Variants in UBA3 observed in about 807,000 individuals in gnomAD.
UBA3 encodes ubiquitin like modifier activating enzyme 3.
A neutral mutation model predicts 73.5 loss-of-function variants in UBA3; 26 were observed. That is an observed-to-expected ratio of 0.35 (90% confidence interval 0.26 to 0.49). The LOEUF (loss-of-function observed/expected upper bound fraction) is 0.49. Ranked by LOEUF, UBA3 falls within the 20% of genes least tolerant of loss-of-function variation. The probability of loss-of-function intolerance (pLI) is 0.98; values close to 1 mark genes in which losing one functional copy is unlikely to be tolerated. For synonymous variants in UBA3, 217 were observed against 191.2 expected (o/e 1.13, Z -1.11); for missense variants, 495 against 555.6 (o/e 0.89, Z 1.10).
intron 4 of UBA3, 79 bp from the exon 5 acceptor site, chr3:69,071,696 T>C: frequency 1.2e-6 from 1 of 843,720 alleles, no homozygotes; most frequent in Non-Finnish European, 1.8e-6. Context: ...AATGTAGTCT[T>C]AAGTCTACAA....
Position 69,075,454 on chromosome 3 carries a change from T to G in UBA3, c.240A>C (p.Leu80Phe). The G allele has an allele frequency of 6.4e-7, 1 of 1,563,896 alleles. No homozygotes were observed. The highest frequency in any genetic ancestry group is 8.6e-7 in the Non-Finnish European group (1 of 1,157,604). ...CCAGATTTTTCAGGAGCTCACATCCTAAGCCGCCAGCTCCAATGACTAGAA... is the reference window on the plus strand; with the variant it reads ...CCAGATTTTTCAGGAGCTCACATCCGAAGCCGCCAGCTCCAATGACTAGAA... ...CKVLVIGAGG[L>F]GCELLKNLAL... The change falls in exon 4 of 18, where the codon TTA (leucine) becomes TTC (phenylalanine). Residue 80 changes from leucine to phenylalanine, a missense_variant. Physicochemically the swap from Leu to Phe is conservative, Grantham distance 22. Coordinates refer to ENST00000361055, the MANE Select transcript of UBA3 (RefSeq NM_003968.4).
intron 3 of UBA3, among the ~76,000 whole-genome samples, chr3:69,077,159 G>A (rs1346212513): frequency 1.3e-5 from 2 of 149,882 alleles, no homozygotes; most frequent in Non-Finnish European, 3.0e-5. Flanking sequence ...CATTAAAGGA[G>A]AAAGTTATTC....
chr3:69,078,857 G>A (rs954725355), intron 2 of UBA3, among the ~76,000 whole-genome samples: 8 of 152,116 alleles, frequency 5.3e-5, no homozygotes, highest in Non-Finnish European at 7.4e-5. Context: ...TTACAATTAC[G>A]CCACAGATAG....
At chr3:69,070,491 T>C (rs1195129054) in intron 5 of UBA3, among the ~76,000 whole-genome samples, 1 of 151,830 alleles carries the variant, frequency 6.6e-6, no homozygotes, top group Admixed American at 6.6e-5. Context: ...ACTTCCTAAA[T>C]AGAGAGAGAA....
At chr3:69,073,796 C>T (rs370585023) in intron 4 of UBA3, among the ~76,000 whole-genome samples, 3 of 144,982 alleles carry the variant, frequency 2.1e-5, no homozygotes, top group African/African-American at 4.9e-5. Context: ...CCACCACGCC[C>T]GGCTAATTTT....
chr3:69,056,116 AT>A (rs2107478341), intron 15 of UBA3, 53 bp from the exon 16 acceptor site: 6 of 1,560,522 alleles, frequency 3.8e-6, no homozygotes, highest in South Asian at 2.4e-5. Flanking sequence ...TCAAAAGATA[AT>A]TTTTTTAAGG....
rs199761221 is a variant in UBA3, at chr3:69,071,515, G to A, written c.347+20C>T. On this transcript the variant is annotated intron_variant, in intron 5 of 17. Coordinates refer to ENST00000361055, the MANE Select transcript of UBA3 (RefSeq NM_003968.4). Reference sequence around the variant, plus strand: ...TATCAGAGCTTAAAAAAAGAAAACCGCTAAGATATTAAAACTTACCTAAAT... The same window carrying A: ...TATCAGAGCTTAAAAAAAGAAAACCACTAAGATATTAAAACTTACCTAAAT... 179 of 1,342,698 alleles carry A rather than the reference G, an allele frequency of 1.3e-4. 1 individual carries two copies. The East Asian group carries it at 4.1e-3, about 31-fold the overall frequency. 83.2% of individuals were successfully genotyped at this position (1,342,698 alleles called of 1,614,324 possible).
intron 11 of UBA3, among the ~76,000 whole-genome samples, chr3:69,061,388 T>C (rs2092019804): frequency 6.6e-6 from 1 of 152,178 alleles, no homozygotes; most frequent in Non-Finnish European, 1.5e-5. Context: ...AGAGACAGGG[T>C]GTTGCCATGT....
Position 69,055,159 on chromosome 3 carries a change from A to G in UBA3, c.*278T>C, listed in dbSNP as rs1180606831. ...TGACCATAATAACAAAATTCACACA[A>G]AAGAGGTTGTATGCTTCCTCCTCTA... On this transcript the variant is annotated 3_prime_UTR_variant, in exon 18 of 18. Transcript: ENST00000361055. The G allele has an allele frequency of 4.3e-6, 1 of 231,732 alleles. No homozygotes were observed. The highest frequency in any genetic ancestry group is 8.5e-5 in the East Asian group (1 of 11,828). 14.4% of individuals were successfully genotyped at this position (231,732 alleles called of 1,614,324 possible).
intron 6 of UBA3, among the ~76,000 whole-genome samples, chr3:69,066,696 T>C (rs1327927750): frequency 6.6e-6 from 1 of 152,142 alleles, no homozygotes; most frequent in African/African-American, 2.4e-5. Flanking sequence ...CCTCCCAAAG[T>C]GCTGGGATTA....
intron 6 of UBA3, among the ~76,000 whole-genome samples, chr3:69,067,409 T>C (rs997308752): frequency 3.3e-5 from 5 of 152,214 alleles, no homozygotes; most frequent in Non-Finnish European, 5.9e-5. Context: ...ACTTTCTACA[T>C]AGAAATCACA....
intron 5 of UBA3, among the ~76,000 whole-genome samples, chr3:69,069,468 G>A (rs1034685397): frequency 2.6e-5 from 4 of 151,926 alleles, no homozygotes; most frequent in East Asian, 1.9e-4. Context: ...CTGGGACTAC[G>A]GGCATGAGTC....
At position 69,056,770 on chromosome 3, in the gene UBA3, A is replaced by G. The variant is rs767882643; in HGVS notation, c.1001+9T>C. ...AATTTACATGCATATTAAAAATGAA[A>G]CCTATTACCTTGTGGCTATTTTAAA... On this transcript the variant is annotated intron_variant, in intron 13 of 17. Coordinates refer to ENST00000361055, the MANE Select transcript of UBA3 (RefSeq NM_003968.4). 1.3e-5 allele frequency: 21 copies of G among 1,612,498 alleles called. No individual in the cohort carries two copies. Among genetic ancestry groups the G allele is most frequent in the South Asian group, 1.2e-4 (11 of 90,876 alleles).
intron 14 of UBA3, 150 bp downstream of exon 14, chr3:69,056,462 G>T (rs1559639947): frequency 1.2e-6 from 1 of 855,046 alleles, no homozygotes; most frequent in Non-Finnish European, 1.8e-6. Flanking sequence ...CTTCGCTATA[G>T]AGTTATTTCA....
chr3:69,065,446 A>T (rs1485977149), intron 6 of UBA3, among the ~76,000 whole-genome samples: 1 of 152,226 alleles, frequency 6.6e-6, no homozygotes, highest in Non-Finnish European at 1.5e-5. Flanking sequence ...TCTGTCATTT[A>T]AACACACATA....
chr3:69,061,967 A>G lies in UBA3; in HGVS notation c.797-40T>C, dbSNP rs776570786. On this transcript the variant is annotated intron_variant, in intron 10 of 17. Transcript: ENST00000361055. ...AAAGGGAGAGAGAGAGAGAGAGAAGACAGGAATACGTAATCACAAAACAAT... is the reference window on the plus strand; with the variant it reads ...AAAGGGAGAGAGAGAGAGAGAGAAGGCAGGAATACGTAATCACAAAACAAT... 9 of 1,446,652 alleles carry G rather than the reference A, an allele frequency of 6.2e-6. No homozygotes were observed. The South Asian group carries it at 9.9e-5, about 16-fold the overall frequency. 89.6% of individuals were successfully genotyped at this position (1,446,652 alleles called of 1,614,324 possible). A position where few individuals can be genotyped will look rare whatever the true frequency, so the allele number is the denominator to read the frequency against.
chr3:69,062,120 C>T lies in UBA3; in HGVS notation c.753G>A (p.Glu251=). 6.2e-7 allele frequency: 1 copy of T among 1,613,794 alleles called. No homozygotes were observed. The highest frequency in any genetic ancestry group is 8.5e-7 in the Non-Finnish European group (1 of 1,179,802). Reference sequence around the variant, plus strand: ...TAGGCCACTGCAACATCCTTACATACTCAATACAGTGTTCTGGTAGCCTGG... The same window carrying T: ...TAGGCCACTGCAACATCCTTACATATTCAATACAGTGTTCTGGTAGCCTGG... ...SMPRLPEHCI[E]YVRMLQWPKE... is the part of the protein sequence containing the mutation. The change falls in exon 10 of 18, where the codon GAG becomes GAA. Residue 251 remains glutamate (E), a synonymous_variant. Transcript: ENST00000361055.
Position 69,066,412 on chromosome 3 carries a change from C to T in UBA3, c.428+1516G>A, listed in dbSNP as rs553404812. Reference sequence around the variant, plus strand: ...CGTGGCCTAAGCACTCTCCACCAAACCCTAAAGTTCTATCGTTTTATGGTT... The same window carrying T: ...CGTGGCCTAAGCACTCTCCACCAAATCCTAAAGTTCTATCGTTTTATGGTT... On this transcript the variant is annotated intron_variant, in intron 6 of 17. Transcript: ENST00000361055. Among the ~76,000 whole-genome samples the T allele has an allele frequency of 9.9e-4, 150 of 151,796 alleles. 1 individual carries two copies. Among genetic ancestry groups the T allele is most frequent in the Non-Finnish European group, 1.3e-3 (91 of 67,934 alleles).
At chr3:69,079,670 C>T (rs1303210292) in intron 2 of UBA3, 6 of 179,538 alleles carry the variant, frequency 3.3e-5, no homozygotes, top group Non-Finnish European at 6.9e-5. Flanking sequence ...CAATACCTGA[C>T]ATGTAGAGTT....
Sources: gnomAD v4.1 joint callset for allele counts (sites outside exome capture counted in the v4.1 genomes callset) on GRCh38, gnomAD v4.1.1 for gene constraint, MANE v1.5 for transcripts, NCBI Gene and HGNC (gene_info 2026-07-23, HGNC 2026-07-21) for gene names.